The following CYFIP2 variants were observed in gnomAD, a reference collection of about 807,000 sequenced individuals.
CYFIP2 encodes cytoplasmic FMR1-interacting protein 2.
In CYFIP2, 29 loss-of-function variants were observed where a neutral mutation model predicts 158.7. The ratio of observed to expected loss-of-function variants is 0.18; its 90% CI spans 0.14 to 0.25. The LOEUF is 0.25. Ranked by LOEUF, CYFIP2 falls within the 10% of genes least tolerant of loss-of-function variation. CYFIP2 has a pLI of 1.00. For synonymous variants in CYFIP2, 585 were observed against 617.6 expected (o/e 0.95, Z 0.78); for missense variants, 852 against 1,639.5 (o/e 0.52, Z 8.29).
rs771013880 is a variant in CYFIP2 at position 157,389,316 on chromosome 5, C to T, written c.3335C>T (p.Pro1112Leu). Residue 1112 changes from proline (P) to leucine (L), a missense_variant, in exon 29 of 31, where the codon CCG (proline) becomes CTG (leucine). Pro to Leu is a moderately conservative substitution (Grantham distance 98). Around this residue, in one of 8 missense-constraint regions of CYFIP2, gnomAD observed 223 missense variants for 381.6 expected, o/e 0.58. Coordinates refer to ENST00000620254, the MANE Select transcript of CYFIP2 (RefSeq NM_001037333.3). ...CAGGACCCCATCTGGCGGGGCCCAC[C>T]GCCCACCAATGGCGTCATGCACGTC... Reference protein sequence around the residue: ...YLQDPIWRGPPPTNGVMHVDE... With the variant: ...YLQDPIWRGPLPTNGVMHVDE... 1.5e-5 allele frequency: 25 copies of T among 1,614,044 alleles called. No individual in the cohort carries two copies. Among genetic ancestry groups the T allele is most frequent in the Non-Finnish European group, 2.0e-5 (24 of 1,179,890 alleles).
At chr5:157,303,819 C>T (rs1758984775) in intron 7 of CYFIP2, among the ~76,000 whole-genome samples, 2 of 151,674 alleles carry the variant, frequency 1.3e-5, no homozygotes, top group South Asian at 2.1e-4. Flanking sequence ...AGACACCTGC[C>T]CCCCTCCCCA....
rs957656163 is a variant in CYFIP2 at position 157,360,477 on chromosome 5, A to C, written c.2908+105A>C. 6 of 864,616 alleles carry C rather than the reference A, an allele frequency of 6.9e-6. No individual in the cohort carries two copies. In the South Asian group the frequency reaches 1.0e-4, roughly 15 times the overall value. 53.6% of individuals were successfully genotyped at this position (864,616 alleles called of 1,614,324 possible). On this transcript the variant is annotated intron_variant, in intron 25 of 30. Transcript: ENST00000620254. ...CTCTAACATGCCAGTGAGCTGGCAG[A>C]GTACTGGCTATCCATCCTACCCCGC...
intron 14 of CYFIP2, among the ~76,000 whole-genome samples, 161 bp downstream of exon 14, chr5:157,320,089 T>A (rs1760468976): frequency 6.6e-6 from 1 of 152,176 alleles, no homozygotes; most frequent in Non-Finnish European, 1.5e-5. Flanking sequence ...TAAGCCTTCA[T>A]CTCTAGAAGT....
chr5:157,329,364 G>A (rs766821614), intron 19 of CYFIP2, among the ~76,000 whole-genome samples: 14 of 152,274 alleles, frequency 9.2e-5, no homozygotes, highest in South Asian at 2.1e-4. Flanking sequence ...AGACTCAGGC[G>A]TGTCGAACCC....
At chr5:157,379,056 G>T (rs1448282360) in intron 26 of CYFIP2, among the ~76,000 whole-genome samples, 1 of 152,096 alleles carries the variant, frequency 6.6e-6, no homozygotes, top group Non-Finnish European at 1.5e-5. Context: ...AGCCTATCCT[G>T]TTTCCAGTTC....
intron 26 of CYFIP2, chr5:157,376,882 C>A (rs1227615037): frequency 4.4e-6 from 2 of 456,300 alleles, no homozygotes; most frequent in African/African-American, 4.0e-5. Flanking sequence ...TAGACATCTT[C>A]TCTTCCGTGT....
chr5:157,312,321 T>A (rs1039025697), intron 11 of CYFIP2, among the ~76,000 whole-genome samples: 1 of 151,864 alleles, frequency 6.6e-6, no homozygotes, highest in Non-Finnish European at 1.5e-5. Context: ...TTTCCTTTTT[T>A]AAAAACTTTT....
intron 21 of CYFIP2, among the ~76,000 whole-genome samples, chr5:157,334,036 A>G (rs1165587315): frequency 6.6e-6 from 1 of 152,226 alleles, no homozygotes; most frequent in African/African-American, 2.4e-5. Flanking sequence ...TTGTTCTTTC[A>G]GTGAATCAAA....
In CYFIP2 at chr5:157,311,004, G is replaced by A. The variant is rs1018469057; in HGVS notation, c.993-660G>A. On this transcript the variant is annotated intron_variant, in intron 10 of 30. Transcript: ENST00000620254. This position sits in a 1 kb window ranked among gnomAD's most constrained non-coding sequence, Gnocchi z 4.7. Reference sequence around the variant, plus strand: ...ATTCATTTCCTCTCTGACTTAGGATGGTTTTCCTAATGACATCTTTTCACA... The same window carrying A: ...ATTCATTTCCTCTCTGACTTAGGATAGTTTTCCTAATGACATCTTTTCACA... 3 of 455,592 alleles carry A rather than the reference G, an allele frequency of 6.6e-6. No homozygotes were observed. Among genetic ancestry groups the A allele is most frequent in the African/African-American group, 6.0e-5 (3 of 49,904 alleles). 28.2% of individuals were successfully genotyped at this position (455,592 alleles called of 1,614,324 possible). A position where few individuals can be genotyped will look rare whatever the true frequency, so the allele number is the denominator to read the frequency against.
intron 4 of CYFIP2, among the ~76,000 whole-genome samples, chr5:157,296,007 A>T (rs1304019900): frequency 6.6e-6 from 1 of 152,222 alleles, no homozygotes; most frequent in Non-Finnish European, 1.5e-5. Flanking sequence ...CTCTGCTTAG[A>T]ATCCAGCTGG....
chr5:157,277,708 A>G (rs1419199035), intron 1 of CYFIP2, among the ~76,000 whole-genome samples: 1 of 152,166 alleles, frequency 6.6e-6, no homozygotes, highest in Non-Finnish European at 1.5e-5. Flanking sequence ...TCAGTATTTC[A>G]TGAGGATTCT....
At chr5:157,330,964 T>A in intron 20 of CYFIP2, 114 bp downstream of exon 20, 1 of 792,194 alleles carries the variant, frequency 1.3e-6, no homozygotes, top group Non-Finnish European at 2.1e-6. Context: ...ATGTTGCCAG[T>A]GTGGATTTCC....
chr5:157,296,525 T>C (rs2113873847), intron 4 of CYFIP2, 148 bp from the exon 5 acceptor site: 1 of 704,080 alleles, frequency 1.4e-6, no homozygotes. Context: ...GCCTGGGAGG[T>C]TGAGGTTTCA....
intron 27 of CYFIP2, among the ~76,000 whole-genome samples, chr5:157,383,049 A>G (rs1766285772): frequency 6.6e-6 from 1 of 152,216 alleles, no homozygotes; most frequent in African/African-American, 2.4e-5. Context: ...TACTAGAGAT[A>G]TTCTAGAAGG....
intron 6 of CYFIP2, among the ~76,000 whole-genome samples, chr5:157,301,758 G>A (rs893262178): frequency 6.6e-5 from 10 of 152,064 alleles, no homozygotes; most frequent in South Asian, 2.1e-4. Flanking sequence ...ATGAGACCCC[G>A]TCTCTTTTTT....
At chr5:157,321,391 G>T (rs1176698138) in intron 15 of CYFIP2, among the ~76,000 whole-genome samples, 2 of 152,150 alleles carry the variant, frequency 1.3e-5, no homozygotes, top group Non-Finnish European at 2.9e-5. Context: ...GAAAGCCCTT[G>T]TCCCCTTAGA....
chr5:157,301,032 G>A (rs1409748333), intron 6 of CYFIP2, 136 bp downstream of exon 6: 1 of 728,470 alleles, frequency 1.4e-6, no homozygotes, highest in African/African-American at 1.8e-5. Flanking sequence ...CCCAAACATA[G>A]TGAGGCTTGG....
intron 24 of CYFIP2, 96 bp downstream of exon 24, chr5:157,359,244 TC>T: frequency 7.1e-7 from 1 of 1,417,848 alleles, no homozygotes; most frequent in Non-Finnish European, 9.8e-7. Flanking sequence ...TAAAAACAAA[TC>T]CCAGGCACTG....
At chr5:157,289,531 C>G (rs970339298) in intron 3 of CYFIP2, among the ~76,000 whole-genome samples, 9 of 152,150 alleles carry the variant, frequency 5.9e-5, no homozygotes, top group Non-Finnish European at 1.0e-4. Context: ...TTCCTTGGCT[C>G]CCAGATGGCT....
Sources: allele counts gnomAD v4.1 joint callset (sites outside exome capture counted in the v4.1 genomes callset), GRCh38; gene constraint gnomAD v4.1.1; regional missense constraint gnomAD v4.1.1; non-coding constraint Gnocchi (gnomAD v3.1); transcripts MANE v1.5; gene names NCBI Gene and HGNC (gene_info 2026-07-23, HGNC 2026-07-21).